CLDN10: variants seen among roughly 807,000 people sequenced by gnomAD.
CLDN10 encodes the protein claudin-10.
In CLDN10, 15 loss-of-function variants were observed where a neutral mutation model predicts 22.9. The ratio of observed to expected loss-of-function variants is 0.65; its 90% CI spans 0.44 to 1.01. The LOEUF is 1.01. Ranked by LOEUF, CLDN10 falls within the 50% of genes least tolerant of loss-of-function variation. The pLI, the probability that CLDN10 is intolerant of heterozygous loss-of-function variation, is 0.00. For synonymous variants in CLDN10, 114 were observed against 111.4 expected, an observed-to-expected ratio of 1.02 and a Z score of -0.15; for missense variants, 247 against 287.8, an observed-to-expected ratio of 0.86 and a Z score of 1.03.
chr13:95,460,884 G>A (rs553520854), intron 1 of CLDN10, among the ~76,000 whole-genome samples: 23 of 152,236 alleles, frequency 1.5e-4, no homozygotes, highest in Admixed American at 4.6e-4. Context: ...TGAGGCCGGC[G>A]GATTGCCTGA....
chr13:95,459,311 G>A (rs945348745), intron 1 of CLDN10, among the ~76,000 whole-genome samples: 2 of 152,170 alleles, frequency 1.3e-5, no homozygotes, highest in African/African-American at 4.8e-5. Flanking sequence ...CCCTAGTAGG[G>A]ACTCTGTGTG....
At chr13:95,513,937 A>T (rs952188745) in intron 1 of CLDN10, among the ~76,000 whole-genome samples, 5 of 152,216 alleles carry the variant, frequency 3.3e-5, no homozygotes, top group Non-Finnish European at 5.9e-5. Flanking sequence ...ATCAGCTCTC[A>T]ATAACTGATT....
At chr13:95,497,612 C>T (rs1158358998) in intron 1 of CLDN10, among the ~76,000 whole-genome samples, 1 of 152,206 alleles carries the variant, frequency 6.6e-6, no homozygotes, top group Non-Finnish European at 1.5e-5. Flanking sequence ...CACAACCATA[C>T]CTACCTCACC....
intron 1 of CLDN10, among the ~76,000 whole-genome samples, chr13:95,481,005 A>ACAT (rs1343629590): frequency 1.3e-5 from 2 of 152,138 alleles, no homozygotes; most frequent in African/African-American, 4.8e-5. Flanking sequence ...TGCCATGAGG[A>ACAT]ACTTGCTTCT....
At chr13:95,553,945 T>A (rs1461438788) in intron 1 of CLDN10, among the ~76,000 whole-genome samples, 1 of 152,216 alleles carries the variant, frequency 6.6e-6, no homozygotes, top group Non-Finnish European at 1.5e-5. Flanking sequence ...TAAGAGGAGT[T>A]ATTTACATTA....
chr13:95,444,267 TAC>T (rs2042350861), intron 1 of CLDN10, among the ~76,000 whole-genome samples: 1 of 152,214 alleles, frequency 6.6e-6, no homozygotes, highest in Non-Finnish European at 1.5e-5. Context: ...TTAGGTAATG[TAC>T]ATTATAGAAA....
intron 1 of CLDN10, among the ~76,000 whole-genome samples, chr13:95,439,201 C>T (rs1453691304): frequency 1.3e-5 from 2 of 152,018 alleles, no homozygotes; most frequent in Admixed American, 1.3e-4. Flanking sequence ...AAACTTATTT[C>T]TCATAGTTCT....
At chr13:95,560,934 A>T (rs1269060159) in intron 3 of CLDN10, 1 of 158,968 alleles carries the variant, frequency 6.3e-6, no homozygotes, top group African/African-American at 2.4e-5. Context: ...ACCTTTATAA[A>T]GAAACTGTAT....
intron 1 of CLDN10, among the ~76,000 whole-genome samples, chr13:95,478,021 G>A (rs953532102): frequency 6.6e-6 from 1 of 152,204 alleles, no homozygotes; most frequent in Admixed American, 6.5e-5. Context: ...AAAAAGCTCT[G>A]GAGGCCAGGC....
At chr13:95,560,332 T>C (rs767815108) in intron 2 of CLDN10, 39 bp downstream of exon 2, 2 of 1,613,422 alleles carry the variant, frequency 1.2e-6, no homozygotes, top group East Asian at 4.5e-5. Context: ...TACTTGATGA[T>C]GTTAATGAAA....
chr13:95,463,284 TAATATATATA>T (rs1275839223), intron 1 of CLDN10, among the ~76,000 whole-genome samples: 2 of 32,584 alleles, frequency 6.1e-5, no homozygotes, highest in African/African-American at 1.9e-4. Flanking sequence ...TGCAAATGCT[TAATATATATA>T]TATATATATA....
In CLDN10 at chr13:95,467,022, G is replaced by T. The variant is rs1021097018; in HGVS notation, c.214+32975G>T. Among the ~76,000 whole-genome samples, 6 of 142,132 alleles carry T rather than the reference G, an allele frequency of 4.2e-5. No homozygotes were observed. In the East Asian group the frequency reaches 1.0e-3, roughly 25 times the overall value. The allele number at this position is 142,132 out of a possible 152,430, so 93.2% of individuals were successfully genotyped here. ...CTCCCGAGTAGCTAGGACTACAGGCGCCTGCCACCATGCCCGTTTTTTTTT... is the reference window on the plus strand; with the variant it reads ...CTCCCGAGTAGCTAGGACTACAGGCTCCTGCCACCATGCCCGTTTTTTTTT... On this transcript the variant is annotated intron_variant, in intron 1 of 4. Coordinates refer to the CLDN10 transcript ENST00000376873.
chr13:95,517,021 T>TCCTC (rs1218834732), intron 1 of CLDN10, among the ~76,000 whole-genome samples: 70 of 115,992 alleles, frequency 6.0e-4, no homozygotes, highest in African/African-American at 2.3e-3. Flanking sequence ...CTTCCTTCCT[T>TCCTC]CCTCCCTCCC....
chr13:95,491,967 A>T (rs767355606), intron 1 of CLDN10, among the ~76,000 whole-genome samples: 2 of 152,212 alleles, frequency 1.3e-5, no homozygotes, highest in African/African-American at 2.4e-5. Context: ...GAGTCTAGCC[A>T]GCTCCAGGCT....
intron 3 of CLDN10, among the ~76,000 whole-genome samples, chr13:95,564,765 A>T (rs1299448692): frequency 1.3e-5 from 2 of 152,176 alleles, no homozygotes; most frequent in South Asian, 2.1e-4. Context: ...GATGAGGAAA[A>T]AATGAGTGGC....
intron 1 of CLDN10, among the ~76,000 whole-genome samples, chr13:95,434,537 A>ATATGTGTGTATATATATATG: frequency 1.0e-5 from 1 of 98,998 alleles, no homozygotes; most frequent in African/African-American, 7.9e-5. Flanking sequence ...ATATATGCAC[A>ATATGTGTGTATATATATATG]CGTGTGTATA....
At chr13:95,486,292 G>T (rs2042802493) in intron 1 of CLDN10, among the ~76,000 whole-genome samples, 1 of 152,158 alleles carries the variant, frequency 6.6e-6, no homozygotes, top group Non-Finnish European at 1.5e-5. Flanking sequence ...GGAGGCCGAT[G>T]TGGGTGGATC....
At chr13:95,567,968 C>G (rs1317892356) in intron 3 of CLDN10, among the ~76,000 whole-genome samples, 1 of 152,132 alleles carries the variant, frequency 6.6e-6, no homozygotes, top group East Asian at 1.9e-4. Context: ...GTCAAATTAT[C>G]TCATTCTTGT....
chr13:95,440,267 T>C (rs142326806), intron 1 of CLDN10, among the ~76,000 whole-genome samples: 2 of 152,230 alleles, frequency 1.3e-5, no homozygotes, highest in Non-Finnish European at 2.9e-5. Context: ...ACCTTTCCAT[T>C]CTCTAAGATC....
Sources: allele counts gnomAD v4.1 joint callset (sites outside exome capture counted in the v4.1 genomes callset), GRCh38; gene constraint gnomAD v4.1.1; transcripts MANE v1.5; gene names NCBI Gene and HGNC (gene_info 2026-07-23, HGNC 2026-07-21).